Variants in GRM7 observed in about 807,000 individuals in gnomAD.
GRM7 encodes the protein metabotropic glutamate receptor 7.
In GRM7, 35 loss-of-function variants were observed where a neutral mutation model predicts 84.5. The observed-to-expected ratio is 0.41, with a 90% CI of 0.32 to 0.55. The LOEUF (loss-of-function observed/expected upper bound fraction) is 0.55, where lower values mean the gene tolerates loss of function less well. Ranked by LOEUF, GRM7 falls within the 20% of genes least tolerant of loss-of-function variation. GRM7 has a pLI of 0.19. For synonymous variants in GRM7, 487 were observed against 455.1 expected (o/e 1.07, Z -0.89); for missense variants, 1,003 against 1,194.6 (o/e 0.84, Z 2.36).
intron 4 of GRM7, among the ~76,000 whole-genome samples, chr3:7,385,484 T>C (rs1181018886): frequency 6.6e-6 from 1 of 151,798 alleles, no homozygotes; most frequent in Non-Finnish European, 1.5e-5. Flanking sequence ...GTATTGCTAG[T>C]AGAGACAGGG....
chr3:6,989,790 G>A (rs1451059470), intron 1 of GRM7, among the ~76,000 whole-genome samples: 2 of 152,236 alleles, frequency 1.3e-5, no homozygotes, highest in East Asian at 3.9e-4. Context: ...AATCATCAGT[G>A]TAACTAACAT....
rs543741577 is a variant in GRM7, at chr3:7,691,710, G to C, written c.2698+11415G>C. The stretch of plus-strand genomic sequence containing the variant: ...GAGGCTCGCCCTGTCACCCAGCCAG[G>C]AGTGCAATGGCATGATCTCCGCTCA... On this transcript the variant is annotated intron_variant, in intron 9 of 9. Transcript: ENST00000357716. Among the ~76,000 whole-genome samples the C allele has an allele frequency of 2.0e-5, 3 of 152,312 alleles. No homozygotes were observed. In the South Asian group the frequency reaches 6.2e-4, roughly 32 times the overall value.
chr3:7,543,759 G>A (rs73019809), intron 7 of GRM7, among the ~76,000 whole-genome samples: 20,373 of 152,182 alleles, frequency 0.13, 1,594 homozygotes, highest in Non-Finnish European at 0.15. Flanking sequence ...AAATCAACAT[G>A]AAAACCTGTA....
chr3:7,329,707 G>T (rs903326291), intron 4 of GRM7, among the ~76,000 whole-genome samples: 4 of 152,046 alleles, frequency 2.6e-5, no homozygotes, highest in African/African-American at 9.7e-5. Flanking sequence ...TGATTTCATG[G>T]CTGTTCAGTA....
At chr3:6,987,183 T>C (rs901753518) in intron 1 of GRM7, among the ~76,000 whole-genome samples, 1 of 152,206 alleles carries the variant, frequency 6.6e-6, no homozygotes, top group African/African-American at 2.4e-5. Flanking sequence ...TGACAACTGT[T>C]TCTTGTGCAC....
At chr3:7,133,960 A>G (rs538821357) in intron 1 of GRM7, among the ~76,000 whole-genome samples, 1 of 152,254 alleles carries the variant, frequency 6.6e-6, no homozygotes, top group African/African-American at 2.4e-5. Context: ...GGAAAAAAGT[A>G]TTTCTCTAAT....
Position 7,298,844 on chromosome 3 carries a change from A to T in GRM7, c.878+19A>T. 1.9e-6 allele frequency: 3 copies of T among 1,605,892 alleles called. No individual in the cohort carries two copies. The highest frequency in any genetic ancestry group is 1.7e-6 in the Non-Finnish European group (2 of 1,172,974). On this transcript the variant is annotated intron_variant, in intron 3 of 9. Coordinates refer to ENST00000357716, the MANE Select transcript of GRM7 (RefSeq NM_000844.4). ...ATATAAAGTAAGAATAACTGGTGAC[A>T]ATTGTTAATATGCATGTTGCAATTT...
intron 2 of GRM7, among the ~76,000 whole-genome samples, chr3:7,172,649 T>C (rs1203573627): frequency 6.6e-6 from 1 of 151,388 alleles, no homozygotes; most frequent in Admixed American, 6.6e-5. Context: ...CTTCTGATGT[T>C]GAATTTCCGA....
intron 2 of GRM7, among the ~76,000 whole-genome samples, chr3:7,258,705 G>A (rs1487695299): frequency 1.3e-5 from 2 of 152,204 alleles, no homozygotes; most frequent in South Asian, 4.1e-4. Flanking sequence ...TATGCCTTTG[G>A]TTTAAATAGT....
At chr3:7,467,565 C>G (rs1201454392) in intron 7 of GRM7, among the ~76,000 whole-genome samples, 1 of 152,122 alleles carries the variant, frequency 6.6e-6, no homozygotes, top group Admixed American at 6.5e-5. Flanking sequence ...CATCAACATG[C>G]TCTTCTTGGA....
At chr3:6,925,957 C>T (rs775872716) in intron 1 of GRM7, among the ~76,000 whole-genome samples, 18 of 152,022 alleles carry the variant, frequency 1.2e-4, no homozygotes, top group South Asian at 2.1e-4. Context: ...TTTGTTTATC[C>T]CTGTTTTCAC....
At chr3:7,350,416 C>T (rs568769989) in intron 4 of GRM7, among the ~76,000 whole-genome samples, 9 of 151,906 alleles carry the variant, frequency 5.9e-5, no homozygotes, top group Non-Finnish European at 1.0e-4. Context: ...TTTAATAATA[C>T]GTGGTACCTC....
chr3:6,943,822 G>A (rs1297015768), intron 1 of GRM7, among the ~76,000 whole-genome samples: 1 of 151,944 alleles, frequency 6.6e-6, no homozygotes, highest in Non-Finnish European at 1.5e-5. Flanking sequence ...AATGAAAAAG[G>A]TAACTCAGTT....
intron 8 of GRM7, among the ~76,000 whole-genome samples, chr3:7,644,317 AG>A (rs577073270): frequency 2.6e-5 from 4 of 152,276 alleles, no homozygotes; most frequent in Non-Finnish European, 5.9e-5. Flanking sequence ...AACACAAAAA[AG>A]AATGGAGAGG....
At chr3:7,115,947 A>C (rs1693016396) in intron 1 of GRM7, among the ~76,000 whole-genome samples, 1 of 152,268 alleles carries the variant, frequency 6.6e-6, no homozygotes, top group Non-Finnish European at 1.5e-5. Flanking sequence ...TTTTATAGAC[A>C]TTGCCTTTCA....
intron 4 of GRM7, among the ~76,000 whole-genome samples, chr3:7,391,828 C>A (rs1276856273): frequency 6.6e-6 from 1 of 151,922 alleles, no homozygotes; most frequent in Non-Finnish European, 1.5e-5. Context: ...TGAAAAATGC[C>A]CTCCCCCAGA....
At chr3:7,089,898 A>G (rs2125007426) in intron 1 of GRM7, among the ~76,000 whole-genome samples, 1 of 152,270 alleles carries the variant, frequency 6.6e-6, no homozygotes, top group Middle Eastern at 3.4e-3. Flanking sequence ...GTTGGAGTAC[A>G]GTGGCATGAT....
chr3:7,362,931 C>T (rs1197141042), intron 4 of GRM7, among the ~76,000 whole-genome samples: 1 of 151,938 alleles, frequency 6.6e-6, no homozygotes, highest in African/African-American at 2.4e-5. Context: ...GTCTGGGCAA[C>T]ATAGCAAGAC....
In GRM7 at chr3:7,510,126, T is replaced by C. The variant is rs1700155834; in HGVS notation, c.1515+48404T>C. 2.0e-5 allele frequency among the ~76,000 whole-genome samples: 3 copies of C among 152,326 alleles called. No homozygotes were observed. The South Asian group carries it at 6.2e-4, about 32-fold the overall frequency. ...CTAGAGCTTTAAACCCCCACTTTGA[T>C]AGTCCCTACCTTTCCCCCAGTAAGT... On this transcript the variant is annotated intron_variant, in intron 7 of 9. Coordinates refer to ENST00000357716, the MANE Select transcript of GRM7 (RefSeq NM_000844.4).
Sources: gnomAD v4.1 joint callset for allele counts (sites outside exome capture counted in the v4.1 genomes callset) on GRCh38, gnomAD v4.1.1 for gene constraint, MANE v1.5 for transcripts, NCBI Gene and HGNC (gene_info 2026-07-23, HGNC 2026-07-21) for gene names.